Variants in WDR25 observed in about 807,000 individuals in gnomAD.
The protein encoded by WDR25 is WD repeat domain 25.
A neutral mutation model predicts 47.7 loss-of-function variants in WDR25; 35 were observed. The ratio of observed to expected loss-of-function variants is 0.73; its 90% confidence interval spans 0.56 to 0.97. WDR25 has a LOEUF of 0.97. Among genes scored for constraint, WDR25 ranks in the 50% least tolerant of loss-of-function variants. The pLI, the probability that WDR25 is intolerant of heterozygous loss-of-function variation, is 0.00. For missense variants in WDR25, 634 were observed against 704.7 expected, an observed-to-expected ratio of 0.90 and a Z score of 1.14; for synonymous variants, 248 against 278.9, an observed-to-expected ratio of 0.89 and a Z score of 1.10.
chr14:100,377,366 C>A (rs1273698049), intron 1 of WDR25, among the ~76,000 whole-genome samples: 1 of 152,186 alleles, frequency 6.6e-6, no homozygotes, highest in East Asian at 1.9e-4. Flanking sequence ...GTGGCGTGAT[C>A]TCCACTCACC....
At chr14:100,426,748 C>A (rs1272644043) in intron 2 of WDR25, among the ~76,000 whole-genome samples, 1 of 152,102 alleles carries the variant, frequency 6.6e-6, no homozygotes, top group Non-Finnish European at 1.5e-5. Flanking sequence ...CAGCCCCACC[C>A]CATTTACTGA....
chr14:100,394,375 T>C (rs2140158878), intron 2 of WDR25, among the ~76,000 whole-genome samples: 1 of 152,348 alleles, frequency 6.6e-6, no homozygotes, highest in Non-Finnish European at 1.5e-5. Context: ...GCCAGGCTTC[T>C]GGACTTGCTG....
chr14:100,481,126 AAAAAAAGG>A (rs1900185859), intron 3 of WDR25: 2 of 431,250 alleles, frequency 4.6e-6, no homozygotes, highest in Non-Finnish European at 9.2e-6. Context: ...AAAAAAAAAA[AAAAAAAGG>A]GAAAAGGGGA....
intron 2 of WDR25, among the ~76,000 whole-genome samples, chr14:100,463,777 C>G (rs894762460): frequency 6.6e-6 from 1 of 152,198 alleles, no homozygotes; most frequent in Non-Finnish European, 1.5e-5. Context: ...CCCTGCAACT[C>G]CACCCCTTTC....
At chr14:100,441,805 C>T (rs144163595) in intron 2 of WDR25, among the ~76,000 whole-genome samples, 4 of 152,290 alleles carry the variant, frequency 2.6e-5, no homozygotes, top group East Asian at 3.9e-4. Flanking sequence ...CAACAAGCAT[C>T]GGTTCCTTCC....
At chr14:100,387,574 G>A (rs1024209375) in intron 2 of WDR25, among the ~76,000 whole-genome samples, 4 of 152,152 alleles carry the variant, frequency 2.6e-5, no homozygotes, top group Admixed American at 6.5e-5. Context: ...TGTTCTAAAC[G>A]CTCCGTCTCC....
chr14:100,514,422 A>ATT (rs200085250), intron 4 of WDR25, among the ~76,000 whole-genome samples: 3 of 149,772 alleles, frequency 2.0e-5, no homozygotes, highest in Non-Finnish European at 4.5e-5. Flanking sequence ...CTACCTTGCT[A>ATT]TTTTTTTTTA....
At chr14:100,452,005 A>G (rs1899049168) in intron 2 of WDR25, among the ~76,000 whole-genome samples, 1 of 152,144 alleles carries the variant, frequency 6.6e-6, no homozygotes. Context: ...CTATCTGTCC[A>G]TCATCCATCC....
intron 2 of WDR25, among the ~76,000 whole-genome samples, chr14:100,457,027 G>A (rs56800170): frequency 0.019 from 2,854 of 151,312 alleles, 43 homozygotes; most frequent in East Asian, 0.037. Flanking sequence ...GTGTGATCTC[G>A]GGTCACTGCA....
At chr14:100,388,825 G>T (rs1010549871) in intron 2 of WDR25, among the ~76,000 whole-genome samples, 1 of 152,150 alleles carries the variant, frequency 6.6e-6, no homozygotes, top group African/African-American at 2.4e-5. Context: ...TGTACCAAGG[G>T]CGGGGCCTTG....
intron 4 of WDR25, among the ~76,000 whole-genome samples, chr14:100,491,135 C>G (rs183915571): frequency 6.6e-6 from 1 of 152,198 alleles, no homozygotes; most frequent in East Asian, 1.9e-4. Flanking sequence ...GCAGGCATCA[C>G]GCTGTGCACG....
chr14:100,517,326 C>G (rs541377651), intron 4 of WDR25, among the ~76,000 whole-genome samples: 1 of 152,032 alleles, frequency 6.6e-6, no homozygotes, highest in African/African-American at 2.4e-5. Context: ...ATCCACCCGC[C>G]TCGGCCTCCC....
chr14:100,516,148 T>C (rs1901488774), intron 4 of WDR25, among the ~76,000 whole-genome samples: 1 of 152,204 alleles, frequency 6.6e-6, no homozygotes, highest in Non-Finnish European at 1.5e-5. Context: ...GCGGTTGTAT[T>C]GCTTGATAAC....
chr14:100,487,098 AG>A (rs1295878311), intron 4 of WDR25, among the ~76,000 whole-genome samples: 1 of 152,090 alleles, frequency 6.6e-6, no homozygotes, highest in African/African-American at 2.4e-5. Context: ...ATTCTTTGTT[AG>A]TGCAGACCCT....
chr14:100,409,981 A>G (rs1363129380), intron 2 of WDR25, among the ~76,000 whole-genome samples: 4 of 151,892 alleles, frequency 2.6e-5, no homozygotes, highest in African/African-American at 9.7e-5. Context: ...ATAATTACTC[A>G]CCCCCTTCCA....
In WDR25 at chr14:100,424,484, G is replaced by C. The variant is rs775941535; in HGVS notation, c.822+42738G>C. Among the ~76,000 whole-genome samples, 4 of 152,200 alleles carry C rather than the reference G, an allele frequency of 2.6e-5. No homozygotes were observed. Among genetic ancestry groups the C allele is most frequent in the Non-Finnish European group, 4.4e-5 (3 of 68,044 alleles). On this transcript the variant is annotated intron_variant, in intron 2 of 6. Transcript: ENST00000402312. The surrounding 1 kb of genome is among the most constrained non-coding windows in gnomAD (Gnocchi z 4.2). ...TGACCCCAGGGCTTTCTTGTATCAA[G>C]AGGAACAAAATGGCATGAGATTGGG... is the stretch of plus-strand genomic sequence containing the variant.
chr14:100,405,930 A>G (rs1303032217), intron 2 of WDR25, among the ~76,000 whole-genome samples: 1 of 152,182 alleles, frequency 6.6e-6, no homozygotes, highest in Non-Finnish European at 1.5e-5. Context: ...AGGTGCCTAC[A>G]TGGGGCTCAA....
intron 2 of WDR25, among the ~76,000 whole-genome samples, chr14:100,464,583 C>T (rs1362157323): frequency 2.2e-5 from 3 of 136,630 alleles, no homozygotes; most frequent in South Asian, 2.2e-4. Context: ...ATGTTTTCTT[C>T]GGAGAGCATT....
chr14:100,436,859 G>A (rs1566909405), intron 2 of WDR25, among the ~76,000 whole-genome samples: 1 of 152,222 alleles, frequency 6.6e-6, no homozygotes, highest in Non-Finnish European at 1.5e-5. Context: ...AAAAGCTCTG[G>A]CTCCCAGAGG....
Sources: allele counts gnomAD v4.1 joint callset (sites outside exome capture counted in the v4.1 genomes callset), GRCh38; gene constraint gnomAD v4.1.1; non-coding constraint Gnocchi (gnomAD v3.1); transcripts MANE v1.5; gene names NCBI Gene and HGNC (gene_info 2026-07-23, HGNC 2026-07-21).